SDK1: variants seen among roughly 807,000 people sequenced by gnomAD.
The protein encoded by SDK1 is sidekick cell adhesion molecule 1.
In SDK1, 157 loss-of-function variants were observed where a neutral mutation model predicts 245.5. The observed-to-expected ratio is 0.64, with a 90% confidence interval of 0.56 to 0.73. SDK1 has a LOEUF of 0.73. Among genes scored for constraint, SDK1 ranks in the 30% least tolerant of loss-of-function variants. The pLI is 0.00. For synonymous variants in SDK1, 1,647 were observed against 1,278.5 expected (o/e 1.29, Z -6.15); for missense variants, 3,583 against 3,002.3 (o/e 1.19, Z -4.52).
chr7:4,132,830 G>C (rs928183229), intron 28 of SDK1, among the ~76,000 whole-genome samples: 1 of 152,220 alleles, frequency 6.6e-6, no homozygotes, highest in African/African-American at 2.4e-5. Flanking sequence ...TTAAACAAAA[G>C]GCTGTCTCCA....
At chr7:4,022,226 G>T (rs1449606380) in intron 17 of SDK1, among the ~76,000 whole-genome samples, 1 of 152,206 alleles carries the variant, frequency 6.6e-6, no homozygotes, top group African/African-American at 2.4e-5. Context: ...TCTACAAAGA[G>T]AATTCGACAG....
At chr7:3,581,379 C>T (rs1780482580) in intron 1 of SDK1, among the ~76,000 whole-genome samples, 1 of 152,108 alleles carries the variant, frequency 6.6e-6, no homozygotes, top group Non-Finnish European at 1.5e-5. Flanking sequence ...CATATGCAGC[C>T]AACAAGCATA....
intron 1 of SDK1, among the ~76,000 whole-genome samples, chr7:3,484,399 G>T (rs1390238052): frequency 6.6e-6 from 1 of 152,194 alleles, no homozygotes; most frequent in African/African-American, 2.4e-5. Flanking sequence ...CCGACTTCGG[G>T]ACATGAGTGT....
chr7:3,889,199 C>G (rs1392130263), intron 5 of SDK1, among the ~76,000 whole-genome samples: 2 of 152,198 alleles, frequency 1.3e-5, no homozygotes, highest in African/African-American at 4.8e-5. Context: ...ATCCTTGAGG[C>G]CATCACACTA....
At chr7:4,198,874 C>T (rs947870009) in intron 35 of SDK1, among the ~76,000 whole-genome samples, 22 of 149,988 alleles carry the variant, frequency 1.5e-4, no homozygotes, top group Non-Finnish European at 2.2e-4. Flanking sequence ...AGTGCAGTGG[C>T]GTGATCTCGG....
At chr7:3,932,447 T>A (rs1170172081) in intron 5 of SDK1, among the ~76,000 whole-genome samples, 2 of 152,216 alleles carry the variant, frequency 1.3e-5, no homozygotes. Context: ...CCAGTTGGTT[T>A]AAATAGATAA....
intron 1 of SDK1, among the ~76,000 whole-genome samples, chr7:3,552,292 T>G (rs1023900863): frequency 6.6e-6 from 1 of 152,120 alleles, no homozygotes; most frequent in African/African-American, 2.4e-5. Flanking sequence ...CCACCCGCCT[T>G]GGCCTCCCAA....
intron 22 of SDK1, among the ~76,000 whole-genome samples, chr7:4,086,497 G>T (rs1213665555): frequency 1.3e-5 from 2 of 152,106 alleles, no homozygotes; most frequent in Non-Finnish European, 2.9e-5. Flanking sequence ...TCCCCATACT[G>T]TGCTGTCAGC....
intron 17 of SDK1, among the ~76,000 whole-genome samples, chr7:4,037,023 A>G (rs988253994): frequency 4.6e-5 from 7 of 152,174 alleles, no homozygotes; most frequent in Admixed American, 2.0e-4. Context: ...GCTTTAACCA[A>G]TCTTCAAAGT....
In SDK1 at chr7:3,774,625, C is replaced by G. The variant is rs148759645; in HGVS notation, c.714-46825C>G. On this transcript the variant is annotated intron_variant, in intron 4 of 44. Coordinates refer to ENST00000404826, the MANE Select transcript of SDK1 (RefSeq NM_152744.4). Reference sequence around the variant, plus strand: ...CCAAAATAGTTATACTGGACAGATTCTGCCAGTGCAATTGTTGTCCAGGTG... The same window carrying G: ...CCAAAATAGTTATACTGGACAGATTGTGCCAGTGCAATTGTTGTCCAGGTG... 5.0e-3 allele frequency among the ~76,000 whole-genome samples: 755 copies of G among 152,316 alleles called. 9 individuals carry two copies. Among genetic ancestry groups the G allele is most frequent in the African/African-American group, 0.017 (704 of 41,570 alleles).
At chr7:4,161,571 GGGCCATTGTTAAGGTT>G (rs1177442755) in intron 31 of SDK1, among the ~76,000 whole-genome samples, 199 bp from the exon 32 acceptor site, 2 of 152,146 alleles carry the variant, frequency 1.3e-5, no homozygotes, top group Non-Finnish European at 2.9e-5. Flanking sequence ...CTGTTTCTCG[GGGCCATTGTTAAGGTT>G]GGCTCCCTCC....
intron 14 of SDK1, among the ~76,000 whole-genome samples, chr7:4,000,436 C>G (rs66673389): frequency 0.13 from 19,222 of 152,168 alleles, 1,577 homozygotes; most frequent in African/African-American, 0.23. Context: ...GTCCCAGTGC[C>G]TCTCCTGAGC....
At chr7:3,382,637 A>T (rs939533596) in intron 1 of SDK1, among the ~76,000 whole-genome samples, 9 of 152,202 alleles carry the variant, frequency 5.9e-5, no homozygotes, top group African/African-American at 2.2e-4. Flanking sequence ...GTTTTTGAAT[A>T]TGATAATATA....
At chr7:3,851,319 T>C (rs139493618) in intron 5 of SDK1, among the ~76,000 whole-genome samples, 1 of 152,330 alleles carries the variant, frequency 6.6e-6, no homozygotes, top group Non-Finnish European at 1.5e-5. Context: ...ATGAAGGAAT[T>C]ATTCTATTTT....
At chr7:3,577,048 C>T (rs1341589301) in intron 1 of SDK1, among the ~76,000 whole-genome samples, 3 of 151,926 alleles carry the variant, frequency 2.0e-5, no homozygotes, top group Admixed American at 6.6e-5. Flanking sequence ...ACTCCTTATG[C>T]CCAATCCACC....
At chr7:3,700,574 A>G (rs548831667) in intron 4 of SDK1, among the ~76,000 whole-genome samples, 3 of 152,336 alleles carry the variant, frequency 2.0e-5, no homozygotes, top group Admixed American at 1.3e-4. Context: ...TGCCATAGGT[A>G]TGTCAAAATA....
At chr7:3,508,297 C>G (rs1782461956) in intron 1 of SDK1, among the ~76,000 whole-genome samples, 2 of 151,110 alleles carry the variant, frequency 1.3e-5, no homozygotes, top group East Asian at 1.9e-4. Flanking sequence ...TCTTTCCTCT[C>G]TGACATCATC....
intron 1 of SDK1, among the ~76,000 whole-genome samples, chr7:3,567,205 G>T (rs1307627704): frequency 6.6e-6 from 1 of 152,148 alleles, no homozygotes; most frequent in South Asian, 2.1e-4. Flanking sequence ...TCTACTTAAG[G>T]AGAACAGTGC....
At chr7:3,655,834 C>A (rs1041453823) in intron 4 of SDK1, among the ~76,000 whole-genome samples, 1 of 151,936 alleles carries the variant, frequency 6.6e-6, no homozygotes, top group Non-Finnish European at 1.5e-5. Context: ...CACGTGGTCG[C>A]TGTGTGACCT....
Sources: gnomAD v4.1 joint callset for allele counts (sites outside exome capture counted in the v4.1 genomes callset) on GRCh38, gnomAD v4.1.1 for gene constraint, MANE v1.5 for transcripts, NCBI Gene and HGNC (gene_info 2026-07-23, HGNC 2026-07-21) for gene names.